CCDC146: variants seen among roughly 807,000 people sequenced by gnomAD.
The protein encoded by CCDC146 is coiled-coil domain containing 146, also known as coiled-coil domain-containing protein 146.
A neutral mutation model predicts 119.3 loss-of-function variants in CCDC146; 92 were observed. That is an observed-to-expected ratio of 0.77 (90% CI 0.65 to 0.92). The LOEUF (loss-of-function observed/expected upper bound fraction) is 0.92, where lower values mean the gene tolerates loss of function less well. Ranked by LOEUF, CCDC146 falls within the 40% of genes least tolerant of loss-of-function variation. The probability of loss-of-function intolerance (pLI) is 0.00; values close to 1 mark genes in which losing one functional copy is unlikely to be tolerated. For missense variants in CCDC146, 1,000 were observed against 1,103.0 expected (o/e 0.91, Z 1.32); for synonymous variants, 372 against 371.8 (o/e 1.00, Z -0.01).
chr7:77,222,980 G>A (rs1048105334), intron 2 of CCDC146, among the ~76,000 whole-genome samples: 1 of 152,208 alleles, frequency 6.6e-6, no homozygotes, highest in African/African-American at 2.4e-5. Flanking sequence ...GACTCCGACT[G>A]TGTTCTGATC....
At chr7:77,159,062 A>G (rs1791219535) in intron 1 of CCDC146, among the ~76,000 whole-genome samples, 2 of 152,180 alleles carry the variant, frequency 1.3e-5, no homozygotes, top group Admixed American at 1.3e-4. Flanking sequence ...GTTTGGGGAT[A>G]AGTATACATC....
intron 2 of CCDC146, chr7:77,199,103 C>T (rs1791929592): frequency 8.0e-7 from 1 of 1,246,902 alleles, no homozygotes; most frequent in Non-Finnish European, 1.1e-6. Flanking sequence ...AACTTACTGA[C>T]TCAGGTTAAT....
chr7:77,275,896 A>G (rs1350504098), intron 11 of CCDC146, among the ~76,000 whole-genome samples: 2 of 152,164 alleles, frequency 1.3e-5, no homozygotes, highest in Admixed American at 1.3e-4. Flanking sequence ...ACAGGATATT[A>G]CATATTACTA....
At chr7:77,132,487 T>C (rs560659312) in intron 1 of CCDC146, among the ~76,000 whole-genome samples, 1 of 134,564 alleles carries the variant, frequency 7.4e-6, no homozygotes, top group Non-Finnish European at 1.5e-5. Flanking sequence ...GAAGCCGAGA[T>C]GGGAGGATCA....
chr7:77,259,747 T>C (rs923573206), intron 7 of CCDC146, among the ~76,000 whole-genome samples: 1 of 152,048 alleles, frequency 6.6e-6, no homozygotes, highest in African/African-American at 2.4e-5. Context: ...GGTAGCAAAT[T>C]GGGATCTGCA....
intron 2 of CCDC146, among the ~76,000 whole-genome samples, chr7:77,177,797 T>C (rs1272911663): frequency 2.6e-5 from 4 of 152,344 alleles, no homozygotes; most frequent in African/African-American, 9.6e-5. Context: ...TTTTCGCTTT[T>C]CCTTCAGACA....
intron 1 of CCDC146, among the ~76,000 whole-genome samples, chr7:77,128,816 T>C (rs1790744179): frequency 1.3e-5 from 2 of 152,150 alleles, no homozygotes; most frequent in African/African-American, 4.8e-5. Flanking sequence ...TCTCTTTTTC[T>C]TGATATTTTA....
chr7:77,208,558 A>C (rs1475392673), intron 2 of CCDC146, among the ~76,000 whole-genome samples: 1 of 152,258 alleles, frequency 6.6e-6, no homozygotes, highest in Non-Finnish European at 1.5e-5. Flanking sequence ...GTTGACCAAA[A>C]CATCTTTCTG....
intron 2 of CCDC146, among the ~76,000 whole-genome samples, chr7:77,191,704 C>G (rs1412404359): frequency 6.6e-6 from 1 of 151,910 alleles, no homozygotes; most frequent in Non-Finnish European, 1.5e-5. Flanking sequence ...GTCAGGAGAT[C>G]GAGACCATCC....
intron 4 of CCDC146, among the ~76,000 whole-genome samples, chr7:77,252,850 G>A (rs946307008): frequency 6.6e-6 from 1 of 152,242 alleles, no homozygotes; most frequent in African/African-American, 2.4e-5. Flanking sequence ...TTGCCAGCGG[G>A]AGCACGTGCC....
chr7:77,191,749 A>C (rs183582555), intron 2 of CCDC146, among the ~76,000 whole-genome samples: 1 of 152,064 alleles, frequency 6.6e-6, no homozygotes, highest in Non-Finnish European at 1.5e-5. Flanking sequence ...TCTACTAAAA[A>C]TACAAAACAA....
chr7:77,189,539 G>T (rs1791726710), intron 2 of CCDC146, among the ~76,000 whole-genome samples: 1 of 152,068 alleles, frequency 6.6e-6, no homozygotes, highest in Non-Finnish European at 1.5e-5. Context: ...TCTTTCCTCT[G>T]CTCAAAACCC....
In CCDC146 at chr7:77,236,954, C is replaced by T. The variant is rs965081555; in HGVS notation, c.164C>T (p.Ala55Val). 1 of 1,613,338 alleles carries T rather than the reference C, an allele frequency of 6.2e-7. No homozygotes were observed. Among genetic ancestry groups the T allele is most frequent in the Non-Finnish European group, 8.5e-7 (1 of 1,179,332 alleles). Residue 55 changes from alanine (A) to valine (V), a missense_variant, in exon 3 of 19, where the codon GCT (alanine) becomes GTT (valine). By Grantham distance (64) the Ala-to-Val change is moderately conservative. Coordinates refer to ENST00000285871, the MANE Select transcript of CCDC146 (RefSeq NM_020879.3). ...TTATGTTCTCTTTGCTAGTTACATG[C>T]TATGGGAAAACTTCCTGGAACCAGA... is the stretch of plus-strand genomic sequence containing the variant. ...PAFIFLHELH[A>V]MGKLPGTRMA...
At chr7:77,162,193 T>G (rs1791273035) in intron 1 of CCDC146, among the ~76,000 whole-genome samples, 1 of 152,180 alleles carries the variant, frequency 6.6e-6, no homozygotes, top group South Asian at 2.1e-4. Context: ...GCCCATGCTT[T>G]TGGTGTCATA....
chr7:77,261,595 A>T (rs1324830198), intron 8 of CCDC146, among the ~76,000 whole-genome samples: 1 of 151,978 alleles, frequency 6.6e-6, no homozygotes, highest in Non-Finnish European at 1.5e-5. Context: ...CTCCTGCCTC[A>T]GCCTCCCGAG....
chr7:77,187,595 TC>T (rs1414267014), intron 2 of CCDC146, among the ~76,000 whole-genome samples: 1 of 152,334 alleles, frequency 6.6e-6, no homozygotes, highest in Non-Finnish European at 1.5e-5. Context: ...TATGGTGTCC[TC>T]ATGGTCACAC....
intron 1 of CCDC146, among the ~76,000 whole-genome samples, chr7:77,142,076 A>G (rs987926102): frequency 3.9e-5 from 6 of 152,084 alleles, no homozygotes; most frequent in Non-Finnish European, 8.8e-5. Context: ...TCAAAATAAT[A>G]AGAGCTATTT....
At chr7:77,278,897 T>C in intron 12 of CCDC146, 40 bp from the exon 13 acceptor site, 1 of 1,601,348 alleles carries the variant, frequency 6.2e-7, no homozygotes, top group South Asian at 1.1e-5. Flanking sequence ...AACCTGATGT[T>C]CATTTCATAA....
intron 15 of CCDC146, among the ~76,000 whole-genome samples, chr7:77,286,117 G>A (rs1297232406): frequency 6.6e-6 from 1 of 152,200 alleles, no homozygotes; most frequent in Admixed American, 6.5e-5. Flanking sequence ...TCATGGTTCT[G>A]CAGGCTGTGT....
Sources: allele counts gnomAD v4.1 joint callset (sites outside exome capture counted in the v4.1 genomes callset), GRCh38; gene constraint gnomAD v4.1.1; transcripts MANE v1.5; gene names NCBI Gene and HGNC (gene_info 2026-07-23, HGNC 2026-07-21).